Variants in LRRTM4 observed in about 807,000 individuals in gnomAD.
LRRTM4 encodes leucine-rich repeat transmembrane neuronal protein 4.
A neutral mutation model predicts 47.6 loss-of-function variants in LRRTM4; 25 were observed. That is an observed-to-expected ratio of 0.53 (90% CI 0.38 to 0.73). The LOEUF is 0.73. Ranked by LOEUF, LRRTM4 falls within the 30% of genes least tolerant of loss-of-function variation. LRRTM4 has a pLI of 0.00. For missense variants in LRRTM4, 638 were observed against 713.4 expected, an observed-to-expected ratio of 0.89 and a Z score of 1.20; for synonymous variants, 311 against 269.5, an observed-to-expected ratio of 1.15 and a Z score of -1.51.
At chr2:76,952,695 T>C (rs1489595324) in intron 3 of LRRTM4, among the ~76,000 whole-genome samples, 2 of 151,886 alleles carry the variant, frequency 1.3e-5, no homozygotes, top group African/African-American at 4.8e-5. Flanking sequence ...ACTGAATATA[T>C]ATCCAAAAGA....
intron 3 of LRRTM4, among the ~76,000 whole-genome samples, chr2:77,073,986 G>A (rs886071821): frequency 1.2e-4 from 18 of 151,680 alleles, no homozygotes; most frequent in African/African-American, 3.9e-4. Flanking sequence ...AGTTCTACAT[G>A]GTTCTTCTTA....
intron 3 of LRRTM4, among the ~76,000 whole-genome samples, chr2:76,879,284 T>C (rs942615364): frequency 6.6e-6 from 1 of 152,198 alleles, no homozygotes; most frequent in Non-Finnish European, 1.5e-5. Context: ...CTTCAAAGCT[T>C]CGCCGGAAAG....
chr2:77,224,009 G>A (rs545891468), intron 3 of LRRTM4, among the ~76,000 whole-genome samples: 34 of 151,910 alleles, frequency 2.2e-4, no homozygotes, highest in African/African-American at 8.0e-4. Flanking sequence ...TACCAAAACA[G>A]AGATATAGAC....
chr2:77,509,951 T>A (rs1231876651), intron 3 of LRRTM4, among the ~76,000 whole-genome samples: 7 of 152,138 alleles, frequency 4.6e-5, no homozygotes, highest in Admixed American at 4.6e-4. Flanking sequence ...CCTAAAGTAC[T>A]TCAAGGCTGA....
At chr2:77,103,930 A>C (rs894916157) in intron 3 of LRRTM4, among the ~76,000 whole-genome samples, 1 of 152,080 alleles carries the variant, frequency 6.6e-6, no homozygotes, top group Non-Finnish European at 1.5e-5. Flanking sequence ...AGAAATAATA[A>C]ATCAGTCGGA....
intron 3 of LRRTM4, among the ~76,000 whole-genome samples, chr2:77,042,819 C>T (rs938322337): frequency 6.6e-6 from 1 of 151,614 alleles, no homozygotes; most frequent in Admixed American, 6.6e-5. Flanking sequence ...TCCTTTTTAC[C>T]TCCTCAACCA....
chr2:77,041,173 A>G lies in LRRTM4; in HGVS notation c.1552-292257T>C, dbSNP rs1206444907. On this transcript the variant is annotated intron_variant, in intron 3 of 3. Coordinates refer to ENST00000409884, the MANE Select transcript of LRRTM4 (RefSeq NM_001134745.3). ...CCACCTATGAGTGAGATCAAACACT[A>G]TTTGTCATTCTGTGCTTGCCTTGCT... is the stretch of plus-strand genomic sequence containing the variant. Among the ~76,000 whole-genome samples, 4 of 151,426 alleles carry G rather than the reference A, an allele frequency of 2.6e-5. 1 individual carries two copies.
At chr2:77,135,096 C>T (rs75082490) in intron 3 of LRRTM4, among the ~76,000 whole-genome samples, 2,015 of 152,248 alleles carry the variant, frequency 0.013, 35 homozygotes, top group Non-Finnish European at 0.021. Flanking sequence ...TACATATGGA[C>T]GGATGAAAAC....
At chr2:77,194,239 T>C (rs1357739921) in intron 3 of LRRTM4, among the ~76,000 whole-genome samples, 1 of 152,166 alleles carries the variant, frequency 6.6e-6, no homozygotes, top group Admixed American at 6.6e-5. Flanking sequence ...TTTGATGATG[T>C]CATCAATCTT....
chr2:76,790,247 G>C (rs548765897), intron 3 of LRRTM4, among the ~76,000 whole-genome samples: 1 of 152,114 alleles, frequency 6.6e-6, no homozygotes, highest in South Asian at 2.1e-4. Flanking sequence ...ACAGTCATTG[G>C]TTCTGCTTTG....
intron 3 of LRRTM4, chr2:76,772,862 C>G (rs886110670): frequency 2.0e-5 from 3 of 151,994 alleles, no homozygotes; most frequent in Admixed American, 6.6e-5. Flanking sequence ...TAAACTTTAT[C>G]ATAGGTATGG....
intron 3 of LRRTM4, among the ~76,000 whole-genome samples, chr2:76,882,571 G>A (rs1558711599): frequency 6.6e-6 from 1 of 151,962 alleles, no homozygotes; most frequent in Admixed American, 6.6e-5. Flanking sequence ...AAGCATGATG[G>A]TGCATGCCTG....
At chr2:77,062,787 T>G (rs926644039) in intron 3 of LRRTM4, among the ~76,000 whole-genome samples, 1 of 152,168 alleles carries the variant, frequency 6.6e-6, no homozygotes, top group African/African-American at 2.4e-5. Context: ...TTAATCACTT[T>G]TAAGTGTTCT....
chr2:76,844,852 T>A (rs965445815), intron 3 of LRRTM4, among the ~76,000 whole-genome samples: 4 of 152,158 alleles, frequency 2.6e-5, no homozygotes, highest in Admixed American at 6.6e-5. Flanking sequence ...TTGATTAGTC[T>A]TTTTAAAAAA....
At chr2:76,792,723 T>A (rs1675042332) in intron 3 of LRRTM4, among the ~76,000 whole-genome samples, 1 of 152,052 alleles carries the variant, frequency 6.6e-6, no homozygotes, top group African/African-American at 2.4e-5. Flanking sequence ...TCTCCCTACT[T>A]CAGTACATTT....
At chr2:76,894,757 A>G (rs894051308) in intron 3 of LRRTM4, among the ~76,000 whole-genome samples, 1 of 151,962 alleles carries the variant, frequency 6.6e-6, no homozygotes, top group African/African-American at 2.4e-5. Context: ...TGCTCACCGA[A>G]TATCTGTATT....
At chr2:76,768,319 A>C (rs965714885) in intron 3 of LRRTM4, among the ~76,000 whole-genome samples, 4 of 152,146 alleles carry the variant, frequency 2.6e-5, no homozygotes, top group Non-Finnish European at 5.9e-5. Context: ...TACACACAAC[A>C]CTTAATATCA....
At chr2:77,092,198 A>G (rs561075029) in intron 3 of LRRTM4, among the ~76,000 whole-genome samples, 1 of 152,202 alleles carries the variant, frequency 6.6e-6, no homozygotes, top group South Asian at 2.1e-4. Flanking sequence ...AAGTCCCACA[A>G]TTACTGTTGT....
rs58141396 is a variant in LRRTM4, at chr2:77,030,347, T to C, written c.1552-281431A>G. On this transcript the variant is annotated intron_variant, in intron 3 of 3. Coordinates refer to ENST00000409884, the MANE Select transcript of LRRTM4 (RefSeq NM_001134745.3). ...TACTCGGGAGGCTGAGGCAGGAGAA[T>C]CGCTTGAACTGGGAGGCGGAGGTTG... 8.8e-3 allele frequency among the ~76,000 whole-genome samples: 1,346 copies of C among 152,236 alleles called. 21 individuals carry two copies. Among genetic ancestry groups the C allele is most frequent in the African/African-American group, 0.031 (1,297 of 41,546 alleles).
Sources: gnomAD v4.1 joint callset for allele counts (sites outside exome capture counted in the v4.1 genomes callset) on GRCh38, gnomAD v4.1.1 for gene constraint, MANE v1.5 for transcripts, NCBI Gene and HGNC (gene_info 2026-07-23, HGNC 2026-07-21) for gene names.